FBXL14: variants seen among roughly 807,000 people sequenced by gnomAD.
FBXL14 encodes the protein F-box and leucine rich repeat protein 14.
In FBXL14, 11 loss-of-function variants were observed where a neutral mutation model predicts 24.5. The ratio of observed to expected loss-of-function variants is 0.45; its 90% CI spans 0.28 to 0.74. FBXL14 has a LOEUF of 0.74. FBXL14 is among the 30% of genes least tolerant of loss of function. FBXL14 has a pLI of 0.12. For synonymous variants in FBXL14, 294 were observed against 240.4 expected (o/e 1.22, Z -2.06); for missense variants, 384 against 545.6 (o/e 0.70, Z 2.95).
At position 1,579,128 on chromosome 12, in the gene FBXL14, T is replaced by C. The variant is rs2094461447; in HGVS notation, c.1195-12318A>G. On this transcript the variant is annotated intron_variant, in intron 1 of 1. Coordinates refer to ENST00000339235, the MANE Select transcript of FBXL14 (RefSeq NM_152441.3). The surrounding 1 kb of genome is among the most constrained non-coding windows in gnomAD (Gnocchi z 4.3). ...CCTGTAACACTCCCCAAAAGAAGTA[T>C]GAAAGCCGACATAAAATACGAATAT... 6.6e-6 allele frequency among the ~76,000 whole-genome samples: 1 copy of C among 152,100 alleles called. No homozygotes were observed. Among genetic ancestry groups the C allele is most frequent in the African/African-American group, 2.4e-5 (1 of 41,444 alleles).
Position 1,566,615 on chromosome 12 carries a change from C to G in FBXL14, c.*133G>C. 1 of 700,718 alleles carries G rather than the reference C, an allele frequency of 1.4e-6. No individual in the cohort carries two copies. Among genetic ancestry groups the G allele is most frequent in the South Asian group, 1.6e-5 (1 of 61,348 alleles). 43.4% of individuals were successfully genotyped at this position (700,718 alleles called of 1,614,324 possible). A position where few individuals can be genotyped will look rare whatever the true frequency, so the allele number is the denominator to read the frequency against. On this transcript the variant is annotated 3_prime_UTR_variant, in exon 2 of 2. Coordinates refer to ENST00000339235, the MANE Select transcript of FBXL14 (RefSeq NM_152441.3). Reference sequence around the variant, plus strand: ...TTCACAAGGTACCGGAGCAGAAGCCCTGGGCAGCAGCCTCTGCCCGAGCAG... The same window carrying G: ...TTCACAAGGTACCGGAGCAGAAGCCGTGGGCAGCAGCCTCTGCCCGAGCAG...
chr12:1,581,760 CAA>C (rs1253921283), intron 1 of FBXL14, among the ~76,000 whole-genome samples: 1 of 152,188 alleles, frequency 6.6e-6, no homozygotes, highest in Admixed American at 6.5e-5. Context: ...GCCACATTCG[CAA>C]GAGATTTGTC....
intron 1 of FBXL14, among the ~76,000 whole-genome samples, chr12:1,590,709 A>C (rs2094487589): frequency 6.6e-6 from 1 of 152,200 alleles, no homozygotes; most frequent in Non-Finnish European, 1.5e-5. Flanking sequence ...ATCCTGGCCA[A>C]GCTCCCCATC....
At chr12:1,570,328 C>T (rs1241103031) in intron 1 of FBXL14, among the ~76,000 whole-genome samples, 1 of 152,344 alleles carries the variant, frequency 6.6e-6, no homozygotes, top group Non-Finnish European at 1.5e-5. Context: ...CGGGGTACAA[C>T]ATGTGTCCTT....
chr12:1,574,459 G>A (rs12810956), intron 1 of FBXL14, among the ~76,000 whole-genome samples: 1 of 140,890 alleles, frequency 7.1e-6, no homozygotes, highest in Non-Finnish European at 1.6e-5. Flanking sequence ...GGTGGCAGCC[G>A]TGTGGGTGGA....
rs1358635565 is a variant in FBXL14 at position 1,594,486 on chromosome 12, C to G, written c.-420G>C. On this transcript the variant is annotated 5_prime_UTR_variant, in exon 1 of 2. Transcript: ENST00000339235. ...GCCTCCTGCCGCCGCCGCTGCTCCG[C>G]GGGCCGGCGGGCGGCGAGGGGGCCC... Among the ~76,000 whole-genome samples the G allele has an allele frequency of 6.8e-6, 1 of 146,738 alleles. No individual in the cohort carries two copies. Among genetic ancestry groups the G allele is most frequent in the East Asian group, 2.0e-4 (1 of 5,050 alleles).
intron 1 of FBXL14, among the ~76,000 whole-genome samples, chr12:1,576,652 G>C (rs562772165): frequency 6.6e-6 from 1 of 152,276 alleles, no homozygotes; most frequent in African/African-American, 2.4e-5. Context: ...ATTGCAGGCT[G>C]CGGCACAGAT....
At chr12:1,568,741 A>T (rs922397415) in intron 1 of FBXL14, among the ~76,000 whole-genome samples, 2 of 152,090 alleles carry the variant, frequency 1.3e-5, no homozygotes, top group Non-Finnish European at 2.9e-5. Context: ...GGCGCCTGTA[A>T]TCCCAGCTAC....
chr12:1,589,087 A>ACTT (rs1319326873), intron 1 of FBXL14, among the ~76,000 whole-genome samples: 27 of 151,530 alleles, frequency 1.8e-4, no homozygotes. Context: ...AGGGAGCTGG[A>ACTT]CTTTAGAAAT....
intron 1 of FBXL14, among the ~76,000 whole-genome samples, chr12:1,571,995 C>T (rs2107526): frequency 0.065 from 9,871 of 152,310 alleles, 369 homozygotes; most frequent in African/African-American, 0.092. Context: ...GTGTTAAGTT[C>T]CTTAACTACA....
chr12:1,582,128 A>AAAGG (rs113876889), intron 1 of FBXL14, among the ~76,000 whole-genome samples: 2,480 of 147,926 alleles, frequency 0.017, 21 homozygotes, highest in South Asian at 0.051. Flanking sequence ...TGTCGAAAGA[A>AAAGG]AAGGAAGGAA....
intron 1 of FBXL14, among the ~76,000 whole-genome samples, chr12:1,585,210 A>G (rs559208164): frequency 3.3e-5 from 5 of 152,278 alleles, no homozygotes; most frequent in Middle Eastern, 3.4e-3. Context: ...CATCCTGACT[A>G]ACATGGTGAA....
rs1320990240 is a variant in FBXL14, at chr12:1,594,547, G to A, written c.-481C>T. On this transcript the variant is annotated 5_prime_UTR_variant, in exon 1 of 2. Transcript: ENST00000339235. ...GCGCACGGGCTCCGGGCGCGGAGGA[G>A]GCTTCCTGCTGCCTTTGTCTCTCGC... Among the ~76,000 whole-genome samples, 1 of 148,138 alleles carries A rather than the reference G, an allele frequency of 6.8e-6. No homozygotes were observed. Among genetic ancestry groups the A allele is most frequent in the East Asian group, 2.0e-4 (1 of 5,122 alleles).
intron 1 of FBXL14, among the ~76,000 whole-genome samples, chr12:1,583,057 A>G (rs2094469700): frequency 2.0e-5 from 3 of 152,290 alleles, no homozygotes; most frequent in African/African-American, 2.4e-5. Flanking sequence ...TCATCTTCAT[A>G]GACTCTCTTA....
intron 1 of FBXL14, among the ~76,000 whole-genome samples, chr12:1,570,888 G>C (rs1193581589): frequency 6.6e-6 from 1 of 152,110 alleles, no homozygotes; most frequent in Admixed American, 6.5e-5. Context: ...CAGTGATGGT[G>C]TAGACCAAGC....
In FBXL14 at chr12:1,574,491, G is replaced by GGGTGA. The variant is rs1565583235; in HGVS notation, c.1195-7682_1195-7681insTCACC. On this transcript the variant is annotated intron_variant, in intron 1 of 1. Coordinates refer to ENST00000339235, the MANE Select transcript of FBXL14 (RefSeq NM_152441.3). ...TGGAGGCTGGGGTGAGGGGAGGCTG[G>GGGTGA]CAGCAGCGGTGTGGATGGAGGCTGG... Among the ~76,000 whole-genome samples the GGGTGA allele has an allele frequency of 3.1e-4, 39 of 124,798 alleles. 1 individual carries two copies. The highest frequency in any genetic ancestry group is 4.0e-4 in the Admixed American group (5 of 12,468). 81.9% of individuals were successfully genotyped at this position (124,798 alleles called of 152,430 possible).
intron 1 of FBXL14, among the ~76,000 whole-genome samples, chr12:1,575,051 T>A (rs2094453274): frequency 6.6e-6 from 1 of 152,152 alleles, no homozygotes; most frequent in Non-Finnish European, 1.5e-5. Flanking sequence ...CTGAAAAATA[T>A]CTCTGCTTGT....
rs1345353515 is a variant in FBXL14, at chr12:1,566,537, C to G, written c.*211G>C. 1 of 471,100 alleles carries G rather than the reference C, an allele frequency of 2.1e-6. No homozygotes were observed. Among genetic ancestry groups the G allele is most frequent in the Non-Finnish European group, 3.8e-6 (1 of 265,602 alleles). The allele number at this position is 471,100 out of a possible 1,614,324, so 29.2% of individuals were successfully genotyped here. ...CTTGGATCCATAAAGGAAGCGAGGT[C>G]TCAGAGCAAACCACTGTCCCCAGAA... On this transcript the variant is annotated 3_prime_UTR_variant, in exon 2 of 2. Transcript: ENST00000339235.
intron 1 of FBXL14, among the ~76,000 whole-genome samples, chr12:1,582,706 A>G (rs927881996): frequency 5.3e-5 from 8 of 152,180 alleles, no homozygotes; most frequent in African/African-American, 1.7e-4. Flanking sequence ...AATGACGTCT[A>G]TATTACAGAG....
Sources: gnomAD v4.1 joint callset for allele counts (sites outside exome capture counted in the v4.1 genomes callset) on GRCh38, gnomAD v4.1.1 for gene constraint, Gnocchi (gnomAD v3.1) non-coding constraint, MANE v1.5 for transcripts, NCBI Gene and HGNC (gene_info 2026-07-23, HGNC 2026-07-21) for gene names.